TBCA: variants seen among roughly 807,000 people sequenced by gnomAD.
TBCA encodes tubulin-specific chaperone A.
A neutral mutation model predicts 15.8 loss-of-function variants in TBCA; 6 were observed. The ratio of observed to expected loss-of-function variants is 0.38; its 90% CI spans 0.21 to 0.75. TBCA has a LOEUF of 0.75. Among genes scored for constraint, TBCA ranks in the 30% least tolerant of loss-of-function variants. The probability of loss-of-function intolerance (pLI) is 0.46; values close to 1 mark genes in which losing one functional copy is unlikely to be tolerated. For missense variants in TBCA, 90 were observed against 131.2 expected, an observed-to-expected ratio of 0.69 and a Z score of 1.53; for synonymous variants, 32 against 42.3, an observed-to-expected ratio of 0.76 and a Z score of 0.94.
chr5:77,720,672 T>A (rs1746510854), intron 1 of TBCA, among the ~76,000 whole-genome samples: 1 of 151,892 alleles, frequency 6.6e-6, no homozygotes, highest in Non-Finnish European at 1.5e-5. Context: ...TGAGATCACA[T>A]CGCTGCACTC....
intron 1 of TBCA, among the ~76,000 whole-genome samples, chr5:77,737,581 GTTCATC>G: frequency 6.6e-6 from 1 of 152,100 alleles, no homozygotes. Context: ...CCTGTCTCAG[GTTCATC>G]GTTTTATAAA....
At chr5:77,707,128 A>G (rs973692599) in intron 2 of TBCA, among the ~76,000 whole-genome samples, 1 of 151,920 alleles carries the variant, frequency 6.6e-6, no homozygotes, top group Non-Finnish European at 1.5e-5. Context: ...AAGATGAGGG[A>G]AAAAAGAGTA....
At chr5:77,692,889 A>C (rs768322429) in intron 3 of TBCA, 70 of 1,176,620 alleles carry the variant, frequency 5.9e-5, no homozygotes, top group Non-Finnish European at 7.3e-5. Flanking sequence ...ATAAGATCCC[A>C]AATTCTTTTG....
intron 1 of TBCA, among the ~76,000 whole-genome samples, chr5:77,732,660 C>CA (rs1397705362): frequency 7.3e-5 from 11 of 151,490 alleles, no homozygotes; most frequent in African/African-American, 2.7e-4. Context: ...GTGTCTCTTA[C>CA]ATTTTGATAA....
intron 1 of TBCA, among the ~76,000 whole-genome samples, chr5:77,758,440 A>G (rs1030308633): frequency 6.6e-6 from 1 of 152,226 alleles, no homozygotes; most frequent in African/African-American, 2.4e-5. Context: ...TGCTTAATCA[A>G]TCACGACCCT....
intron 1 of TBCA, among the ~76,000 whole-genome samples, chr5:77,712,430 A>G (rs1164352259): frequency 1.3e-5 from 2 of 152,174 alleles, no homozygotes; most frequent in East Asian, 3.8e-4. Flanking sequence ...GAATCAACAA[A>G]TTAGTATCTT....
chr5:77,729,482 T>C (rs1212055160), intron 1 of TBCA, among the ~76,000 whole-genome samples: 2 of 152,194 alleles, frequency 1.3e-5, no homozygotes, highest in Non-Finnish European at 2.9e-5. Flanking sequence ...AATGGAATGC[T>C]TCATAACTAA....
intron 1 of TBCA, among the ~76,000 whole-genome samples, chr5:77,713,913 TA>T (rs1554043896): frequency 6.7e-6 from 1 of 148,368 alleles, no homozygotes; most frequent in South Asian, 2.1e-4. Flanking sequence ...ATTTTTTTTT[TA>T]AAAGAATAAA....
intron 1 of TBCA, among the ~76,000 whole-genome samples, chr5:77,740,979 A>G (rs1747017935): frequency 6.6e-6 from 1 of 152,244 alleles, no homozygotes; most frequent in South Asian, 2.1e-4. Flanking sequence ...AGGGGGAAGA[A>G]TATAGCAGGA....
chr5:77,769,814 C>A (rs1375743588), intron 1 of TBCA, among the ~76,000 whole-genome samples: 1 of 152,228 alleles, frequency 6.6e-6, no homozygotes, highest in South Asian at 2.1e-4. Flanking sequence ...AACAAAATTG[C>A]AGTGTGAATT....
At chr5:77,747,826 T>C (rs1747225341) in intron 1 of TBCA, among the ~76,000 whole-genome samples, 1 of 152,160 alleles carries the variant, frequency 6.6e-6, no homozygotes, top group Non-Finnish European at 1.5e-5. Flanking sequence ...GAATTTTAGA[T>C]TTGTATTGAA....
intron 1 of TBCA, among the ~76,000 whole-genome samples, chr5:77,731,694 TTTC>T (rs1746772070): frequency 6.6e-6 from 1 of 152,178 alleles, no homozygotes. Context: ...CACATTGATT[TTTC>T]TTCCTTTTTC....
chr5:77,756,408 G>T (rs458403), intron 1 of TBCA, among the ~76,000 whole-genome samples: 1 of 151,966 alleles, frequency 6.6e-6, no homozygotes. Context: ...CGGTCACTCA[G>T]AGGCACCTTC....
chr5:77,775,268 T>G (rs1248030007), intron 1 of TBCA, among the ~76,000 whole-genome samples: 26 of 152,188 alleles, frequency 1.7e-4, no homozygotes, highest in Admixed American at 1.7e-3. Flanking sequence ...TCTATCCCTC[T>G]CTCACATGTA....
chr5:77,774,387 T>C (rs1168673475), intron 1 of TBCA, among the ~76,000 whole-genome samples: 1 of 152,192 alleles, frequency 6.6e-6, no homozygotes, highest in Non-Finnish European at 1.5e-5. Context: ...CTGGGACCTT[T>C]TTAAGTCTGA....
At position 77,735,671 on chromosome 5, in the gene TBCA, A is replaced by T. The variant is rs560187558; in HGVS notation, c.54-27324T>A. 5.3e-5 allele frequency among the ~76,000 whole-genome samples: 8 copies of T among 152,276 alleles called. No individual in the cohort carries two copies. The East Asian group carries it at 9.6e-4, about 18-fold the overall frequency. On this transcript the variant is annotated intron_variant, in intron 1 of 3. Coordinates refer to ENST00000380377, the MANE Select transcript of TBCA (RefSeq NM_004607.3). ...GAAAATTAGATATTCGTTTCTATCA[A>T]ATATTAATTTTATAATTCTACTCTA...
chr5:77,691,633 A>C, intron 3 of TBCA, 135 bp from the exon 4 acceptor site: 1 of 1,405,410 alleles, frequency 7.1e-7, no homozygotes, highest in Non-Finnish European at 9.2e-7. Flanking sequence ...TCATCTAAAT[A>C]TATTGTAATT....
At chr5:77,775,440 A>G (rs566282595) in intron 1 of TBCA, among the ~76,000 whole-genome samples, 82 of 152,248 alleles carry the variant, frequency 5.4e-4, no homozygotes, top group African/African-American at 1.9e-3. Context: ...TCTCCCTAAA[A>G]CGTATTACAC....
chr5:77,768,414 G>A (rs370766879), intron 1 of TBCA, among the ~76,000 whole-genome samples: 3 of 152,288 alleles, frequency 2.0e-5, no homozygotes, highest in African/African-American at 7.2e-5. Context: ...ATGTAATAAC[G>A]TGTAGTAAGT....
Sources: allele counts gnomAD v4.1 joint callset (sites outside exome capture counted in the v4.1 genomes callset), GRCh38; gene constraint gnomAD v4.1.1; transcripts MANE v1.5; gene names NCBI Gene and HGNC (gene_info 2026-07-23, HGNC 2026-07-21).